Variants in UTRN observed in about 807,000 individuals in gnomAD.
The protein encoded by UTRN is dystrophin-related protein 1.
A neutral mutation model predicts 463.9 loss-of-function variants in UTRN; 283 were observed. The observed-to-expected ratio is 0.61, with a 90% CI of 0.55 to 0.67. UTRN has a LOEUF of 0.67. Ranked by LOEUF, UTRN falls within the 30% of genes least tolerant of loss-of-function variation. The pLI is 0.00. For synonymous variants in UTRN, 1,442 were observed against 1,431.5 expected, an observed-to-expected ratio of 1.01 and a Z score of -0.17; for missense variants, 3,922 against 4,084.3, an observed-to-expected ratio of 0.96 and a Z score of 1.08.
intron 64 of UTRN, among the ~76,000 whole-genome samples, chr6:144,800,000 G>A (rs1046967308): frequency 1.3e-5 from 2 of 152,148 alleles, no homozygotes; most frequent in African/African-American, 4.8e-5. Context: ...TATTACTCTG[G>A]ATATAAACGG....
At chr6:144,321,461 C>CTTTTTT (rs529134208) in intron 2 of UTRN, among the ~76,000 whole-genome samples, 3 of 100,444 alleles carry the variant, frequency 3.0e-5, no homozygotes, top group Non-Finnish European at 4.1e-5. Flanking sequence ...TGTGCCATAT[C>CTTTTTT]TTTTTTTTTT....
chr6:144,348,316 G>C (rs1237742602), intron 2 of UTRN, among the ~76,000 whole-genome samples: 1 of 152,212 alleles, frequency 6.6e-6, no homozygotes, highest in Non-Finnish European at 1.5e-5. Flanking sequence ...GTGGAGGTTA[G>C]GACCTGGAAA....
rs772084975 is a variant in UTRN, at chr6:144,840,756, G to T, written c.10194G>T (p.Leu3398=). Residue 3398 remains leucine, a synonymous_variant, in exon 73 of 75, where the codon CTG becomes CTT. Transcript: ENST00000367545. ...CTGTCACAGCGGGAGAGGACCTGCT[G>T]GCCCCACCGCACGACACCAGCACGG... The part of the protein sequence containing the change: ...QFHQAAGEDL[L]APPHDTSTDL... 1.2e-5 allele frequency: 19 copies of T among 1,613,890 alleles called. No homozygotes were observed. Among genetic ancestry groups the T allele is most frequent in the Non-Finnish European group, 1.7e-6 (2 of 1,179,954 alleles).
intron 2 of UTRN, among the ~76,000 whole-genome samples, chr6:144,397,775 T>C (rs947498128): frequency 6.6e-6 from 1 of 152,212 alleles, no homozygotes; most frequent in Non-Finnish European, 1.5e-5. Flanking sequence ...AAATTATCTT[T>C]AACCTCCTCC....
intron 53 of UTRN, among the ~76,000 whole-genome samples, chr6:144,729,328 A>C (rs1788272522): frequency 6.6e-6 from 1 of 152,182 alleles, no homozygotes; most frequent in Non-Finnish European, 1.5e-5. Context: ...TGACTATGGA[A>C]GAAAAGGATC....
chr6:144,325,590 A>G (rs751187415), intron 2 of UTRN, among the ~76,000 whole-genome samples: 9 of 152,206 alleles, frequency 5.9e-5, no homozygotes, highest in Non-Finnish European at 1.0e-4. Flanking sequence ...TCAGCCACCA[A>G]TTAAAGAGTG....
intron 50 of UTRN, among the ~76,000 whole-genome samples, chr6:144,567,162 A>G (rs1202904223): frequency 2.6e-5 from 4 of 152,122 alleles, no homozygotes; most frequent in African/African-American, 9.7e-5. Context: ...AAAAGTTTGC[A>G]GGAGAAATAA....
rs1790978602 is a variant in UTRN, at chr6:144,748,267, C to T, written c.7961C>T (p.Ala2654Val). Residue 2654 changes from alanine to valine, a missense_variant, in exon 55 of 75, where the codon GCC (alanine) becomes GTC (valine). Physicochemically the swap from Ala to Val is moderately conservative, Grantham distance 64 (BLOSUM62 0). This residue lies in a region of UTRN where 1,309 missense variants were observed against 1,452.6 expected (regional missense o/e 0.90). Coordinates refer to ENST00000367545, the MANE Select transcript of UTRN (RefSeq NM_007124.3). ...ACAGAATTAACTCCTGAGGAGAGAG[C>T]CCAAAAGATTGCCAAAGCCATGCGC... ...SKTELTPEERAQKIAKAMRKQ... is the reference protein window; with the variant it reads ...SKTELTPEERVQKIAKAMRKQ... The T allele has an allele frequency of 6.2e-7, 1 of 1,611,646 alleles. No homozygotes were observed. Among genetic ancestry groups the T allele is most frequent in the Non-Finnish European group, 8.5e-7 (1 of 1,179,716 alleles).
At chr6:144,796,415 C>T (rs550201536) in intron 63 of UTRN, among the ~76,000 whole-genome samples, 1 of 152,248 alleles carries the variant, frequency 6.6e-6, no homozygotes, top group South Asian at 2.1e-4. Context: ...TTTCCTGTGC[C>T]TTGAACATCA....
In UTRN at chr6:144,851,042, C is replaced by T. The variant is rs184848946; in HGVS notation, c.*45C>T. ...AATGTTTCCTGACGTACAGTGTTGCCCTTTTCAGCAAATGCCAATTCCAAG... is the reference window on the plus strand; with the variant it reads ...AATGTTTCCTGACGTACAGTGTTGCTCTTTTCAGCAAATGCCAATTCCAAG... On this transcript the variant is annotated 3_prime_UTR_variant, in exon 75 of 75. Coordinates refer to ENST00000367545, the MANE Select transcript of UTRN (RefSeq NM_007124.3). 3.1e-4 allele frequency: 493 copies of T among 1,613,210 alleles called. 10 individuals carry two copies. The Middle Eastern group carries it at 8.7e-3, about 29-fold the overall frequency.
intron 66 of UTRN, among the ~76,000 whole-genome samples, chr6:144,821,662 G>A (rs954147528): frequency 1.3e-5 from 2 of 151,890 alleles, no homozygotes; most frequent in Non-Finnish European, 2.9e-5. Flanking sequence ...TAAAGCAAAG[G>A]GAATAAGAAT....
intron 64 of UTRN, among the ~76,000 whole-genome samples, chr6:144,801,540 A>T (rs946035432): frequency 3.9e-5 from 6 of 152,148 alleles, no homozygotes; most frequent in African/African-American, 1.2e-4. Context: ...ATATATATAT[A>T]TATTTCATTT....
intron 65 of UTRN, among the ~76,000 whole-genome samples, chr6:144,816,173 T>C (rs1779059028): frequency 6.6e-6 from 1 of 152,210 alleles, no homozygotes; most frequent in African/African-American, 2.4e-5. Context: ...TGGAAAACTC[T>C]GCAGGTCAAA....
At chr6:144,718,474 A>AT (rs1177744415) in intron 53 of UTRN, among the ~76,000 whole-genome samples, 3 of 152,124 alleles carry the variant, frequency 2.0e-5, no homozygotes, top group African/African-American at 4.8e-5. Flanking sequence ...AAAAAAAGTA[A>AT]TTTTTTATTC....
intron 45 of UTRN, 125 bp downstream of exon 45, chr6:144,539,568 A>G: frequency 1.0e-6 from 1 of 955,866 alleles, no homozygotes; most frequent in Non-Finnish European, 1.5e-6. Context: ...AAAGCTTACT[A>G]ATGTTTATAT....
chr6:144,288,394 A>G (rs966573355), intron 1 of UTRN, among the ~76,000 whole-genome samples: 5 of 152,222 alleles, frequency 3.3e-5, no homozygotes, highest in African/African-American at 7.2e-5. Flanking sequence ...GGTAGCATAG[A>G]AGTGGAGATC....
chr6:144,379,489 C>A (rs947094290), intron 2 of UTRN, among the ~76,000 whole-genome samples: 1 of 152,170 alleles, frequency 6.6e-6, no homozygotes, highest in Admixed American at 6.5e-5. Context: ...TTTCTCGCCA[C>A]GTGGGCCTCT....
chr6:144,462,559 T>C, intron 22 of UTRN, 95 bp from the exon 23 acceptor site: 3 of 1,212,104 alleles, frequency 2.5e-6, no homozygotes, highest in Non-Finnish European at 3.4e-6. Flanking sequence ...TTCTAATGCA[T>C]TTTAAAGTGA....
At chr6:144,426,491 T>C in intron 7 of UTRN, 32 bp downstream of exon 7, 1 of 1,580,516 alleles carries the variant, frequency 6.3e-7, no homozygotes, top group Non-Finnish European at 8.6e-7. Context: ...AAGTGGGCTT[T>C]ACAAATTCAT....
Sources: allele counts gnomAD v4.1 joint callset (sites outside exome capture counted in the v4.1 genomes callset), GRCh38; gene constraint gnomAD v4.1.1; regional missense constraint gnomAD v4.1.1; transcripts MANE v1.5; gene names NCBI Gene and HGNC (gene_info 2026-07-23, HGNC 2026-07-21).